The following DENND4A variants were observed in gnomAD, a reference collection of about 807,000 sequenced individuals.
DENND4A encodes DENN domain containing 4A.
A neutral mutation model predicts 199.3 loss-of-function variants in DENND4A; 70 were observed. That is an observed-to-expected ratio of 0.35 (90% CI 0.29 to 0.43). DENND4A has a LOEUF of 0.43. DENND4A is among the 20% of genes least tolerant of loss of function. DENND4A has a pLI of 1.00. For missense variants in DENND4A, 1,723 were observed against 2,255.8 expected (o/e 0.76, Z 4.78); for synonymous variants, 686 against 766.9 (o/e 0.89, Z 1.74).
chr15:65,680,438 A>G (rs894732674), intron 23 of DENND4A, among the ~76,000 whole-genome samples: 1 of 152,188 alleles, frequency 6.6e-6, no homozygotes, highest in Non-Finnish European at 1.5e-5. Flanking sequence ...TATGTATTTT[A>G]ACATCCTGAA....
At chr15:65,705,670 G>A (rs1464773587) in intron 15 of DENND4A, among the ~76,000 whole-genome samples, 5 of 151,908 alleles carry the variant, frequency 3.3e-5, no homozygotes, top group African/African-American at 9.7e-5. Flanking sequence ...TCAAGGCCAC[G>A]AAGATTGGCT....
chr15:65,688,189 T>C (rs536544425), intron 23 of DENND4A, among the ~76,000 whole-genome samples: 76 of 152,220 alleles, frequency 5.0e-4, no homozygotes, highest in Non-Finnish European at 8.7e-4. Flanking sequence ...TCAGTTTACA[T>C]TGGATTATAT....
intron 15 of DENND4A, among the ~76,000 whole-genome samples, chr15:65,705,275 A>G (rs1036857293): frequency 6.6e-6 from 1 of 152,228 alleles, no homozygotes; most frequent in African/African-American, 2.4e-5. Context: ...TCCTTTTTCA[A>G]TGAAAATAAC....
intron 4 of DENND4A, among the ~76,000 whole-genome samples, chr15:65,746,369 C>CTCTCTCTTTTTTTT (rs2076392238): frequency 2.0e-5 from 1 of 51,268 alleles, no homozygotes; most frequent in African/African-American, 7.0e-5. Flanking sequence ...ACTTTTTTCT[C>CTCTCTCTTTTTTTT]TTTTTTTTTT....
chr15:65,768,862 C>T (rs1363277207), intron 1 of DENND4A, among the ~76,000 whole-genome samples: 3 of 151,802 alleles, frequency 2.0e-5, no homozygotes, highest in Admixed American at 6.6e-5. Flanking sequence ...GACGTGGTGG[C>T]GGGTGCCTGT....
chr15:65,747,930 C>G (rs1459225480), intron 4 of DENND4A, among the ~76,000 whole-genome samples: 1 of 150,492 alleles, frequency 6.6e-6, no homozygotes, highest in East Asian at 2.0e-4. Context: ...ATCCCAGCTA[C>G]TCAGGAGGCT....
chr15:65,664,517 T>C (rs1175564135), intron 31 of DENND4A, 43 bp downstream of exon 31: 1 of 1,581,034 alleles, frequency 6.3e-7, no homozygotes, highest in Admixed American at 1.8e-5. Context: ...ACAATATGAA[T>C]CTGCCTAGGA....
chr15:65,729,874 CTA>C (rs1427556424), intron 9 of DENND4A, among the ~76,000 whole-genome samples, 196 bp from the exon 10 acceptor site: 3 of 152,140 alleles, frequency 2.0e-5, no homozygotes, highest in Non-Finnish European at 4.4e-5. Context: ...CACAAACACA[CTA>C]TGAAAACAAT....
At chr15:65,763,679 CAAAAA>C (rs11357605) in intron 1 of DENND4A, among the ~76,000 whole-genome samples, 21,808 of 87,772 alleles carry the variant, frequency 0.25, 2,006 homozygotes, top group East Asian at 0.68. Context: ...GACCTTGTCT[CAAAAA>C]AAAAAAAAAA....
chr15:65,735,288 G>C (rs1374588122), intron 7 of DENND4A, among the ~76,000 whole-genome samples: 2 of 151,942 alleles, frequency 1.3e-5, no homozygotes, highest in Non-Finnish European at 2.9e-5. Flanking sequence ...TGAGGCATGA[G>C]AATCACTTAA....
chr15:65,776,477 A>G (rs1371808707), intron 1 of DENND4A, among the ~76,000 whole-genome samples: 3 of 152,246 alleles, frequency 2.0e-5, no homozygotes, highest in Non-Finnish European at 4.4e-5. Context: ...ACTGAGCAGT[A>G]ACTTTTTTAT....
chr15:65,789,054 AT>A (rs1195453009), intron 1 of DENND4A, among the ~76,000 whole-genome samples: 2 of 152,072 alleles, frequency 1.3e-5, no homozygotes, highest in Non-Finnish European at 2.9e-5. Flanking sequence ...TATTATACTT[AT>A]GTCAGTACAT....
In DENND4A at chr15:65,738,889, A is replaced by G. The variant is rs2076179428; in HGVS notation, c.632-14T>C. On this transcript the variant is annotated splice_polypyrimidine_tract_variant and intron_variant, in intron 5 of 32. Coordinates refer to ENST00000443035, the MANE Select transcript of DENND4A (RefSeq NM_001320835.1). Reference sequence around the variant, plus strand: ...TACAAATTAGGCCTATAAAAACAACAATAAATATTAGGTCATCATCTCTTG... The same window carrying G: ...TACAAATTAGGCCTATAAAAACAACGATAAATATTAGGTCATCATCTCTTG... The G allele has an allele frequency of 6.5e-7, 1 of 1,535,358 alleles. No homozygotes were observed. The highest frequency in any genetic ancestry group is 2.3e-5 in the East Asian group (1 of 43,246).
intron 1 of DENND4A, chr15:65,771,453 T>C (rs1424476254): frequency 1.2e-6 from 2 of 1,603,936 alleles, no homozygotes; most frequent in Non-Finnish European, 1.7e-6. Flanking sequence ...TGCGTTTTAA[T>C]AGTTTGCCCT....
chr15:65,673,504 T>C (rs1003006853), intron 24 of DENND4A, among the ~76,000 whole-genome samples: 35 of 148,040 alleles, frequency 2.4e-4, no homozygotes, highest in Admixed American at 2.0e-3. Flanking sequence ...AAAAAAAAAA[T>C]GGTGTAAACT....
intron 14 of DENND4A, among the ~76,000 whole-genome samples, chr15:65,709,474 G>A (rs2075164497): frequency 6.6e-6 from 1 of 151,900 alleles, no homozygotes; most frequent in Non-Finnish European, 1.5e-5. Flanking sequence ...GGGAGGTCGA[G>A]ATGGGCGGAT....
intron 11 of DENND4A, among the ~76,000 whole-genome samples, chr15:65,724,953 A>G (rs888672543): frequency 3.9e-5 from 6 of 152,208 alleles, no homozygotes; most frequent in African/African-American, 4.8e-5. Context: ...GCCTAGCAAA[A>G]AAAGGGCACT....
At chr15:65,665,121 A>T in intron 30 of DENND4A, 1 of 467,650 alleles carries the variant, frequency 2.1e-6, no homozygotes. Flanking sequence ...AAAAAACCAA[A>T]CCAAAACAAA....
chr15:65,738,684 C>A (rs1376331754), intron 6 of DENND4A, 22 bp downstream of exon 6: 3 of 1,576,874 alleles, frequency 1.9e-6, no homozygotes, highest in African/African-American at 2.7e-5. Context: ...TTTGTAGATA[C>A]AATTTGTCAA....
Sources: gnomAD v4.1 joint callset for allele counts (sites outside exome capture counted in the v4.1 genomes callset) on GRCh38, gnomAD v4.1.1 for gene constraint, MANE v1.5 for transcripts, NCBI Gene and HGNC (gene_info 2026-07-23, HGNC 2026-07-21) for gene names.